The following POLG variants were observed in gnomAD, a reference collection of about 807,000 sequenced individuals.
The protein encoded by POLG is DNA polymerase subunit gamma-1.
A neutral mutation model predicts 155.4 loss-of-function variants in POLG; 110 were observed. The ratio of observed to expected loss-of-function variants is 0.71; its 90% CI spans 0.61 to 0.83. The LOEUF (loss-of-function observed/expected upper bound fraction) is 0.83, where lower values mean the gene tolerates loss of function less well. POLG is among the 40% of genes least tolerant of loss of function. The pLI is 0.00. For missense variants in POLG, 1,685 were observed against 1,627.5 expected (o/e 1.04, Z -0.61); for synonymous variants, 701 against 631.5 (o/e 1.11, Z -1.65).
At chr15:89,323,018 G>A in intron 13 of POLG, 116 bp from the exon 14 acceptor site, 3 of 1,036,616 alleles carry the variant, frequency 2.9e-6, no homozygotes, top group Non-Finnish European at 4.3e-6. Flanking sequence ...GCAGTCTGAG[G>A]CAAATCCCTG....
rs2055575944 is a variant in POLG at position 89,330,195 on chromosome 15, C to A, written c.741G>T (p.Leu247=). ...GGCTGCTGGCACCAGTAGGGACCTCCAGGGGGATGAGGTCAGCCGGCGACA... is the reference window on the plus strand; with the variant it reads ...GGCTGCTGGCACCAGTAGGGACCTCAAGGGGGATGAGGTCAGCCGGCGACA... ...SQLSPADLIP[L]EVPTGASSPT... The change falls in exon 3 of 23, where the codon CTG becomes CTT. Residue 247 remains leucine, a synonymous_variant. Coordinates refer to ENST00000268124, the MANE Select transcript of POLG (RefSeq NM_002693.3). 1.2e-6 allele frequency: 2 copies of A among 1,613,304 alleles called. No individual in the cohort carries two copies. Among genetic ancestry groups the A allele is most frequent in the Admixed American group, 3.3e-5 (2 of 60,004 alleles).
At chr15:89,328,878 C>A (rs1362543171) in intron 4 of POLG, 47 bp from the exon 5 acceptor site, 3 of 1,614,032 alleles carry the variant, frequency 1.9e-6, no homozygotes, top group Non-Finnish European at 2.5e-6. Flanking sequence ...TGGCCTCGGG[C>A]CAGACGGGCT....
Position 89,323,880 on chromosome 15 carries a change from C to G in POLG, c.2092G>C (p.Glu698Gln), listed in dbSNP as rs2152063214. 2 of 1,614,014 alleles carry G rather than the reference C, an allele frequency of 1.2e-6. No homozygotes were observed. The highest frequency in any genetic ancestry group is 4.5e-5 in the East Asian group (2 of 44,888). Residue 698 changes from glutamate (E) to glutamine (Q), a missense_variant, in exon 12 of 23, where the codon GAA becomes CAA. This residue lies in a region of POLG where 1,210 missense variants were observed against 1,167.1 expected (regional missense o/e 1.04). Coordinates refer to ENST00000268124, the MANE Select transcript of POLG (RefSeq NM_002693.3). Reference protein sequence around the residue: ...WQTVEELDYLEVEAEAKMENL... With the variant: ...WQTVEELDYLQVEAEAKMENL... The stretch of plus-strand genomic sequence containing the variant: ...TCCATCTTGGCCTCAGCCTCCACTT[C>G]TAAGTAATCCAGTTCTTCTACCTGG...
At chr15:89,325,406 G>A (rs762378430) in intron 10 of POLG, 44 bp downstream of exon 10, 2 of 1,371,374 alleles carry the variant, frequency 1.5e-6, no homozygotes, top group African/African-American at 1.4e-5. Flanking sequence ...AGGGGAAGGG[G>A]TCCCTAGGCT....
rs1480959073 is a variant in POLG at position 89,334,156 on chromosome 15, T to C, written c.-159-243A>G. 3 of 318,368 alleles carry C rather than the reference T, an allele frequency of 9.4e-6. No homozygotes were observed. In the East Asian group the frequency reaches 2.7e-4, roughly 29 times the overall value. The allele number at this position is 318,368 out of a possible 1,614,324, so 19.7% of individuals were successfully genotyped here. ...GGGCAGCGAGTAAGAGAGCAGTATC[T>C]GGAGTAGGGCGACGCGGTTTTGAAC... On this transcript the variant is annotated intron_variant, in intron 1 of 22. Transcript: ENST00000268124.
rs2055560967 is a variant in POLG, at chr15:89,329,029, T to G, written c.937A>C (p.Ile313Leu). 6.2e-7 allele frequency: 1 copy of G among 1,613,350 alleles called. No homozygotes were observed. Among genetic ancestry groups the G allele is most frequent in the South Asian group, 1.1e-5 (1 of 91,050 alleles). ...GLSSFQRSLWIAAKQGKHKVQ... is the reference protein window; with the variant it reads ...GLSSFQRSLWLAAKQGKHKVQ... ...TTGTGTTTGCCCTGCTTGGCTGCTATCCACAGACTGCGCTGGAAGCTGCTT... is the reference window on the plus strand; with the variant it reads ...TTGTGTTTGCCCTGCTTGGCTGCTAGCCACAGACTGCGCTGGAAGCTGCTT... Residue 313 changes from isoleucine to leucine, a missense_variant, in exon 4 of 23, where the codon ATA (isoleucine) becomes CTA (leucine). Transcript: ENST00000268124.
intron 2 of POLG, among the ~76,000 whole-genome samples, chr15:89,331,754 T>C (rs1274718114): frequency 6.6e-6 from 1 of 152,054 alleles, no homozygotes; most frequent in Non-Finnish European, 1.5e-5. Flanking sequence ...GGACCGCTAT[T>C]AGGGCACCAT....
chr15:89,329,954 G>A (rs2055572730), intron 3 of POLG, 127 bp downstream of exon 3: 1 of 801,674 alleles, frequency 1.2e-6, no homozygotes, highest in Non-Finnish European at 2.2e-6. Context: ...GTCAACAGAT[G>A]CGCCTTGCGG....
rs28719858 is a variant in POLG, at chr15:89,330,767, T to C, written c.660-491A>G. On this transcript the variant is annotated intron_variant, in intron 2 of 22. Transcript: ENST00000268124. ...AAAATGACAAATGCTGCTGCACACA[T>C]GTACAGGATGAATCATCTCACGGCT... Among the ~76,000 whole-genome samples, 744 of 148,564 alleles carry C rather than the reference T, an allele frequency of 5.0e-3. 6 individuals carry two copies. The highest frequency in any genetic ancestry group is 0.016 in the African/African-American group (651 of 40,376).
Position 89,321,223 on chromosome 15 carries a change from T to C in POLG, c.2636A>G (p.Gln879Arg), listed in dbSNP as rs368587966. The C allele has an allele frequency of 9.9e-6, 16 of 1,614,052 alleles. No individual in the cohort carries two copies. In the African/African-American group the frequency reaches 1.3e-4, roughly 13 times the overall value. The part of the protein sequence containing the change: ...RVGSELKAMV[Q>R]APPGYTLVGA... ...CACAAGGGTGTAGCCAGGTGGGGCCTGCACCATGGCTTTCAACTCACTGCC... is the reference window on the plus strand; with the variant it reads ...CACAAGGGTGTAGCCAGGTGGGGCCCGCACCATGGCTTTCAACTCACTGCC... Residue 879 changes from glutamine (Q) to arginine (R), a missense_variant, in exon 17 of 23, where the codon CAG (glutamine) becomes CGG (arginine). Gln to Arg is a conservative substitution (Grantham distance 43). This residue lies in a region of POLG where 1,210 missense variants were observed against 1,167.1 expected (regional missense o/e 1.04). Transcript: ENST00000268124.
Position 89,324,136 on chromosome 15 carries a change from G to A in POLG, c.2041C>T (p.Leu681Phe), listed in dbSNP as rs772984090. The change falls in exon 11 of 23, where the codon CTC (leucine) becomes TTC (phenylalanine). Residue 681 changes from leucine to phenylalanine, a missense_variant. This residue lies in a region of POLG where 1,210 missense variants were observed against 1,167.1 expected (regional missense o/e 1.04). Coordinates refer to ENST00000268124, the MANE Select transcript of POLG (RefSeq NM_002693.3). ...TGCCATATGGCACTATTGTCAGTGA[G>A]CAGGAACTCCTCCGCCAGGCCGGCC... ...QEAGLAEEFL[L>F]TDNSAIWQTV... 14 of 1,614,094 alleles carry A rather than the reference G, an allele frequency of 8.7e-6. No individual in the cohort carries two copies. In the South Asian group the frequency reaches 1.2e-4, roughly 14 times the overall value.
chr15:89,321,336 T>C, intron 16 of POLG, 76 bp from the exon 17 acceptor site: 1 of 1,539,510 alleles, frequency 6.5e-7, no homozygotes, highest in Non-Finnish European at 8.9e-7. Context: ...GAGAAAGAGC[T>C]AGAGCCTTTC....
chr15:89,322,117 C>T (rs1478002298), intron 14 of POLG, 102 bp from the exon 15 acceptor site: 4 of 1,089,618 alleles, frequency 3.7e-6, no homozygotes, highest in Non-Finnish European at 5.7e-6. Flanking sequence ...GACTGCTATA[C>T]TCCATTACCC....
At position 89,333,258 on chromosome 15, in the gene POLG, G is replaced by A; in HGVS notation, c.497C>T (p.Pro166Leu). The A allele has an allele frequency of 6.4e-7, 1 of 1,566,204 alleles. No individual in the cohort carries two copies. The highest frequency in any genetic ancestry group is 8.7e-7 in the Non-Finnish European group (1 of 1,154,622). Residue 166 changes from proline (P) to leucine (L), a missense_variant, in exon 2 of 23, where the codon CCC (proline) becomes CTC (leucine). Coordinates refer to ENST00000268124, the MANE Select transcript of POLG (RefSeq NM_002693.3). ...GCCCTCCGCCCAGGCCCAAGCCGGGGGCTTCGGGGGCAGCTGGGCCTGCAA... is the reference window on the plus strand; with the variant it reads ...GCCCTCCGCCCAGGCCCAAGCCGGGAGCTTCGGGGGCAGCTGGGCCTGCAA... ...LLLQAQLPPK[P>L]PAWAWAEGWT...
Position 89,325,582 on chromosome 15 carries a change from G to GT in POLG, c.1816dup (p.Thr606AsnfsTer78), listed in dbSNP as rs1319481399. The GT allele has an allele frequency of 1.2e-6, 2 of 1,613,678 alleles. No homozygotes were observed. The highest frequency in any genetic ancestry group is 1.7e-6 in the Non-Finnish European group (2 of 1,180,010). The stretch of plus-strand genomic sequence containing the variant: ...GTAGTGCAGAGGGAAGCCATCCCAG[G>GT]TAAGTGCCATGAGTTTAGGTGTGAC... On this transcript the variant is annotated frameshift_variant, in exon 10 of 23. Coordinates refer to ENST00000268124, the MANE Select transcript of POLG (RefSeq NM_002693.3). LOFTEE classifies it high-confidence loss of function.
intron 5 of POLG, 70 bp downstream of exon 5, chr15:89,328,615 C>G: frequency 1.2e-6 from 2 of 1,609,340 alleles, no homozygotes; most frequent in African/African-American, 1.3e-5. Flanking sequence ...GGCCTGGCAG[C>G]TGCATCTCCC....
chr15:89,324,413 C>G (rs2055442885), intron 10 of POLG, 186 bp from the exon 11 acceptor site: 3 of 708,068 alleles, frequency 4.2e-6, no homozygotes, highest in African/African-American at 3.5e-5. Flanking sequence ...TGACAGCACC[C>G]TGGCAGCAGG....
In POLG at chr15:89,322,409, AG is replaced by A. The variant is rs1398361148; in HGVS notation, c.2426+332del. Among the ~76,000 whole-genome samples the A allele has an allele frequency of 2.6e-5, 4 of 152,312 alleles. No individual in the cohort carries two copies. In the East Asian group the frequency reaches 7.7e-4, roughly 29 times the overall value. On this transcript the variant is annotated intron_variant, in intron 14 of 22. Transcript: ENST00000268124. Reference sequence around the variant, plus strand: ...ATGAATACATTTGCCATTCCAGACTAGAAGACCCAGCTCCCAGCCCCCAACA... The same window carrying A: ...ATGAATACATTTGCCATTCCAGACTAAAGACCCAGCTCCCAGCCCCCAACA...
intron 3 of POLG, among the ~76,000 whole-genome samples, chr15:89,329,769 C>T (rs946416536): frequency 6.6e-6 from 1 of 152,106 alleles, no homozygotes; most frequent in Non-Finnish European, 1.5e-5. Context: ...CAGTAGTCAT[C>T]GGTGGTTAAG....
Sources: allele counts gnomAD v4.1 joint callset (sites outside exome capture counted in the v4.1 genomes callset), GRCh38; gene constraint gnomAD v4.1.1; regional missense constraint gnomAD v4.1.1; transcripts MANE v1.5; gene names NCBI Gene and HGNC (gene_info 2026-07-23, HGNC 2026-07-21).